The following USP9Y variants were observed in gnomAD, a reference collection of about 807,000 sequenced individuals.
The protein encoded by USP9Y is ubiquitin specific peptidase 9 Y-linked.
USP9Y carries 41 observed loss-of-function variants against 53.1 expected under a neutral mutation model. That is an observed-to-expected ratio of 0.77 (90% CI 0.60 to 1.00). USP9Y has a LOEUF of 1.00. Ranked by LOEUF, USP9Y falls within the 50% of genes least tolerant of loss-of-function variation. The pLI, the probability that USP9Y is intolerant of heterozygous loss-of-function variation, is 0.00. For missense variants in USP9Y, 567 were observed against 535.8 expected, an observed-to-expected ratio of 1.06 and a Z score of -0.58; for synonymous variants, 220 against 173.7, an observed-to-expected ratio of 1.27 and a Z score of -2.09.
chrY:12,818,134 G>C, intron 32 of USP9Y, among the ~76,000 whole-genome samples: 5 of 33,206 alleles, frequency 1.5e-4, no homozygotes, highest in African/African-American at 5.9e-4. Context: ...ACTTACGGCA[G>C]AGCACTCATT....
intron 3 of USP9Y, among the ~76,000 whole-genome samples, chrY:12,719,792 T>C: frequency 1.7e-4 from 5 of 28,746 alleles, no homozygotes; most frequent in African/African-American, 4.1e-4. Context: ...AATTTGTTTT[T>C]TTTTTTTTTT....
At position 12,843,198 on chromosome Y, in the gene USP9Y, G is replaced by C; in HGVS notation, c.6568+5G>C. The C allele has an allele frequency of 2.8e-6, 1 of 363,128 alleles. No homozygotes were observed. Among genetic ancestry groups the C allele is most frequent in the Non-Finnish European group, 3.9e-6 (1 of 254,964 alleles). The allele number at this position is 363,128 out of a possible 400,897, so 90.6% of individuals were successfully genotyped here. On this transcript the variant is annotated splice_donor_5th_base_variant and intron_variant, in intron 39 of 45. Coordinates refer to ENST00000338981, the MANE Select transcript of USP9Y (RefSeq NM_004654.4). ...TTGTAATGTATGCCAATTTAGGTAA[G>C]AATTTTTCACAACTATATTAATGAT...
chrY:12,769,888 T>C (rs770644874), intron 15 of USP9Y, among the ~76,000 whole-genome samples: 11 of 32,350 alleles, frequency 3.4e-4, no homozygotes, highest in Non-Finnish European at 6.8e-4. Flanking sequence ...CTGCCTCCCA[T>C]GTTCAAGTGA....
At chrY:12,830,699 G>A in intron 33 of USP9Y, among the ~76,000 whole-genome samples, 2 of 33,253 alleles carry the variant, frequency 6.0e-5, no homozygotes, top group East Asian at 7.9e-4. Flanking sequence ...TTATACCACC[G>A]CTGTTTAATA....
At chrY:12,754,827 T>G in intron 12 of USP9Y, among the ~76,000 whole-genome samples, 1 of 33,249 alleles carries the variant, frequency 3.0e-5, no homozygotes, top group Non-Finnish European at 7.4e-5. Context: ...TGGTTGATAC[T>G]TTCGTTGATA....
At chrY:12,707,003 G>C in intron 1 of USP9Y, among the ~76,000 whole-genome samples, 1 of 33,430 alleles carries the variant, frequency 3.0e-5, no homozygotes, top group Non-Finnish European at 7.4e-5. Context: ...ATAACGTTTT[G>C]TCTTGATTAT....
intron 34 of USP9Y, among the ~76,000 whole-genome samples, chrY:12,837,311 TG>T (rs2148291620): frequency 3.1e-5 from 1 of 31,967 alleles, no homozygotes; most frequent in East Asian, 8.3e-4. Context: ...AGACTGAGGA[TG>T]GGGGGTAGTT....
rs745350778 is a variant in USP9Y, at chrY:12,827,876, G to A, written c.5022-5812G>A. 1.5e-4 allele frequency among the ~76,000 whole-genome samples: 5 copies of A among 32,557 alleles called. No individual in the cohort carries two copies. The East Asian group carries it at 4.0e-3, about 26-fold the overall frequency. 87.3% of individuals were successfully genotyped at this position (32,557 alleles called of 37,273 possible). ...CTTGGGAGGCTGAGGCAGGAGAATC[G>A]ATTGAAGCCAGGAGGTGGAGTTTGC... On this transcript the variant is annotated intron_variant, in intron 33 of 45. Transcript: ENST00000338981.
intron 27 of USP9Y, among the ~76,000 whole-genome samples, chrY:12,807,659 G>GC (rs2053526057): frequency 3.2e-5 from 1 of 31,083 alleles, no homozygotes. Context: ...ACCATGCCCA[G>GC]CCAAAACTTT....
intron 33 of USP9Y, among the ~76,000 whole-genome samples, chrY:12,829,852 CCT>C (rs2148290940): frequency 3.0e-5 from 1 of 32,953 alleles, no homozygotes; most frequent in African/African-American, 1.2e-4. Flanking sequence ...CAACTACACC[CCT>C]GTTTTTTTCT....
intron 14 of USP9Y, among the ~76,000 whole-genome samples, chrY:12,758,872 C>T (rs940556081): frequency 6.0e-5 from 2 of 33,142 alleles, no homozygotes; most frequent in Non-Finnish European, 7.5e-5. Context: ...AGTATCATAG[C>T]GACATTACCG....
At chrY:12,752,997 G>T (rs2053465449) in intron 12 of USP9Y, among the ~76,000 whole-genome samples, 3 of 31,316 alleles carry the variant, frequency 9.6e-5, no homozygotes, top group African/African-American at 2.5e-4. Context: ...TTTTTTTTTA[G>T]ACATGGTCTC....
chrY:12,825,913 C>A (rs2053545646), intron 33 of USP9Y, among the ~76,000 whole-genome samples: 9 of 25,208 alleles, frequency 3.6e-4, no homozygotes, highest in Admixed American at 2.0e-3. Context: ...CTTTTCTTTT[C>A]TTTTCTTTTC....
At chrY:12,719,555 A>G in intron 3 of USP9Y, among the ~76,000 whole-genome samples, 1 of 33,826 alleles carries the variant, frequency 3.0e-5, no homozygotes, top group Admixed American at 2.7e-4. Flanking sequence ...GTAAACACAA[A>G]GGTGCATGTG....
intron 3 of USP9Y, among the ~76,000 whole-genome samples, chrY:12,719,931 C>T (rs2148279981): frequency 3.2e-5 from 1 of 31,179 alleles, no homozygotes; most frequent in South Asian, 7.6e-4. Context: ...GGACTACAGG[C>T]GCCCGCCACC....
At position 12,857,611 on chromosome Y, in the gene USP9Y, T is replaced by C. The variant is rs761187590; in HGVS notation, c.7480T>C (p.Ser2494Pro). The C allele has an allele frequency of 2.6e-6, 1 of 388,006 alleles. No homozygotes were observed. Among genetic ancestry groups the C allele is most frequent in the South Asian group, 3.2e-5 (1 of 31,732 alleles). The change falls in exon 45 of 46, where the codon TCA (serine) becomes CCA (proline). Residue 2494 changes from serine (S) to proline (P), a missense_variant. Ser to Pro is a moderately conservative substitution (Grantham distance 74, BLOSUM62 -1). Transcript: ENST00000338981. ...CCCAGATGAGCATGAGCCCTCTCCA[T>C]CAGAAGATGCCCCATTATATCCTCA... is the stretch of plus-strand genomic sequence containing the variant. ...DAPDEHEPSPSEDAPLYPHSP... is the reference protein window; with the variant it reads ...DAPDEHEPSPPEDAPLYPHSP...
intron 39 of USP9Y, among the ~76,000 whole-genome samples, chrY:12,844,047 T>C: frequency 3.0e-5 from 1 of 33,539 alleles, no homozygotes; most frequent in East Asian, 7.6e-4. Flanking sequence ...CAGATGTAGT[T>C]ATCCAATTTG....
At chrY:12,778,431 G>A (rs2053495311) in intron 20 of USP9Y, among the ~76,000 whole-genome samples, 172 bp downstream of exon 20, 1 of 33,057 alleles carries the variant, frequency 3.0e-5, no homozygotes, top group Admixed American at 2.8e-4. Flanking sequence ...GAATAAGATA[G>A]ATGTCACAGA....
chrY:12,806,433 A>G (rs537488912), intron 27 of USP9Y, among the ~76,000 whole-genome samples: 3 of 33,760 alleles, frequency 8.9e-5, no homozygotes, highest in African/African-American at 2.3e-4. Context: ...TACCAGAAGT[A>G]CAATAGTAAT....
Sources: gnomAD v4.1 joint callset for allele counts (sites outside exome capture counted in the v4.1 genomes callset) on GRCh38, gnomAD v4.1.1 for gene constraint, MANE v1.5 for transcripts, NCBI Gene and HGNC (gene_info 2026-07-23, HGNC 2026-07-21) for gene names.